Variants in PRDM9 observed in about 807,000 individuals in gnomAD.
The protein encoded by PRDM9 is PR/SET domain 9.
In PRDM9, 47 loss-of-function variants were observed where a neutral mutation model predicts 55.6. That is an observed-to-expected ratio of 0.85 (90% CI 0.67 to 1.08). PRDM9 has a LOEUF of 1.08. PRDM9 is among the 50% of genes least tolerant of loss of function. PRDM9 has a pLI of 0.00. For synonymous variants in PRDM9, 312 were observed against 375.7 expected (o/e 0.83, Z 1.96); for missense variants, 867 against 1,040.3 (o/e 0.83, Z 2.29).
chr5:23,509,354 T>C (rs561030033), intron 2 of PRDM9, 116 bp from the exon 3 acceptor site: 1 of 1,553,804 alleles, frequency 6.4e-7, no homozygotes, highest in South Asian at 1.1e-5. Flanking sequence ...GGAAGATCTT[T>C]ATGTTTCACA....
rs552561825 is a variant in PRDM9, at chr5:23,510,343, G to A, written c.301+316G>A. Among the ~76,000 whole-genome samples, 18 of 151,930 alleles carry A rather than the reference G, an allele frequency of 1.2e-4. No individual in the cohort carries two copies. In the South Asian group the frequency reaches 3.8e-3, roughly 32 times the overall value. On this transcript the variant is annotated intron_variant, in intron 4 of 10. Transcript: ENST00000296682. ...TCCAAGGTGCTGGGATTACAGCCAT[G>A]AGCCACCACGCCTGGCCTATTTTTA...
chr5:23,523,034 C>A (rs1739365544), intron 8 of PRDM9, 149 bp downstream of exon 8: 3 of 1,431,248 alleles, frequency 2.1e-6, no homozygotes, highest in African/African-American at 1.4e-5. Flanking sequence ...ACACGGAACT[C>A]CTATTTAGAG....
At chr5:23,509,676 G>A in intron 3 of PRDM9, 83 bp downstream of exon 3, 1 of 1,604,918 alleles carries the variant, frequency 6.2e-7, no homozygotes, top group African/African-American at 1.3e-5. Flanking sequence ...TTCTCAGGTG[G>A]TGGCATCTGC....
chr5:23,516,848 T>C (rs1739219970), intron 4 of PRDM9, among the ~76,000 whole-genome samples: 1 of 148,524 alleles, frequency 6.7e-6, no homozygotes, highest in Non-Finnish European at 1.5e-5. Context: ...GCCTCCTGAT[T>C]AGCTGGGACT....
chr5:23,524,540 A>C lies in PRDM9; in HGVS notation c.1144+13A>C, dbSNP rs547157177. The stretch of plus-strand genomic sequence containing the variant: ...ATGGCAGGGAGAGGTAGGCATCACT[A>C]TTACTCTTTTAAAAGGACAGGAAAG... On this transcript the variant is annotated intron_variant, in intron 10 of 10. Transcript: ENST00000296682. 1 of 1,613,422 alleles carries C rather than the reference A, an allele frequency of 6.2e-7. No homozygotes were observed. The highest frequency in any genetic ancestry group is 1.7e-5 in the Admixed American group (1 of 59,982).
chr5:23,519,025 A>G (rs945345864), intron 5 of PRDM9, among the ~76,000 whole-genome samples: 1 of 152,152 alleles, frequency 6.6e-6, no homozygotes, highest in Non-Finnish European at 1.5e-5. Flanking sequence ...TATCAGGACT[A>G]TGAGATAATT....
chr5:23,515,897 T>G (rs1278966778), intron 4 of PRDM9, among the ~76,000 whole-genome samples: 1 of 152,218 alleles, frequency 6.6e-6, no homozygotes, highest in Non-Finnish European at 1.5e-5. Context: ...AGTACCACAC[T>G]TTTCTGATCG....
rs1196994160 is a variant in PRDM9 at position 23,527,978 on chromosome 5, T to C, written c.*205T>C. 5.5e-6 allele frequency: 4 copies of C among 733,098 alleles called. No homozygotes were observed. The African/African-American group carries it at 7.0e-5, about 13-fold the overall frequency. The allele number at this position is 733,098 out of a possible 1,614,324, so 45.4% of individuals were successfully genotyped here. ...GATGAGGAAGAACAAGGGATAGTTC[T>C]GTAAGTGTTCGGGGGACATCAGCAT... On this transcript the variant is annotated 3_prime_UTR_variant, in exon 11 of 11. Transcript: ENST00000296682.
rs954987351 is a variant in PRDM9, at chr5:23,524,321, G to T, written c.951-13G>T. The T allele has an allele frequency of 3.7e-6, 6 of 1,613,402 alleles. No individual in the cohort carries two copies. In the African/African-American group the frequency reaches 5.3e-5, roughly 14 times the overall value. On this transcript the variant is annotated splice_polypyrimidine_tract_variant and intron_variant, in intron 9 of 10. Transcript: ENST00000296682. Reference sequence around the variant, plus strand: ...CTGCCTCTTTTCTTTCCCTTTGCCTGCCTTGACCCCAGGTATGTGAACTGT... The same window carrying T: ...CTGCCTCTTTTCTTTCCCTTTGCCTTCCTTGACCCCAGGTATGTGAACTGT...
intron 1 of PRDM9, among the ~76,000 whole-genome samples, chr5:23,508,050 T>A (rs149362931): frequency 1.1e-4 from 17 of 151,888 alleles, no homozygotes; most frequent in African/African-American, 3.4e-4. Context: ...CAACCTCAGA[T>A]AACCTAAATA....
At chr5:23,523,459 C>T in intron 9 of PRDM9, 101 bp downstream of exon 9, 1 of 1,272,632 alleles carries the variant, frequency 7.9e-7, no homozygotes. Flanking sequence ...TTTTCACATT[C>T]CCTATTTCTA....
rs751306189 is a variant in PRDM9, at chr5:23,526,367, C to T, written c.1279C>T (p.Pro427Ser). The T allele has an allele frequency of 1.2e-6, 2 of 1,614,232 alleles. No individual in the cohort carries two copies. Among genetic ancestry groups the T allele is most frequent in the Admixed American group, 1.7e-5 (1 of 60,024 alleles). The change falls in exon 11 of 11, where the codon CCA becomes TCA. Residue 427 changes from proline to serine, a missense_variant. Pro to Ser is a moderately conservative substitution (Grantham distance 74, BLOSUM62 -1). Transcript: ENST00000296682. The stretch of plus-strand genomic sequence containing the variant: ...ACCATCTGCAAGAAAACTCCTCCAA[C>T]CAGAGAATCCCTGCCCAGGGGATCA... ...PGPSARKLLQ[P>S]ENPCPGDQNQ...
At chr5:23,514,014 G>A (rs1024183060) in intron 4 of PRDM9, among the ~76,000 whole-genome samples, 1 of 152,140 alleles carries the variant, frequency 6.6e-6, no homozygotes, top group Non-Finnish European at 1.5e-5. Context: ...CCGCATCTTC[G>A]CCAACACTTG....
intron 1 of PRDM9, among the ~76,000 whole-genome samples, chr5:23,508,280 A>G (rs1259561493): frequency 6.6e-6 from 1 of 152,034 alleles, no homozygotes; most frequent in Non-Finnish European, 1.5e-5. Context: ...CTTCAGCTTA[A>G]AAGACCCCAA....
In PRDM9 at chr5:23,527,487, G is replaced by C. The variant is rs748427915; in HGVS notation, c.2399G>C (p.Gly800Ala). ...NLLSHQRTHT[G>A]EKPYVCRECG... ...CTCAGTCACCAGAGGACACACACAGGGGAGAAGCCCTATGTCTGCAGGGAG... is the reference window on the plus strand; with the variant it reads ...CTCAGTCACCAGAGGACACACACAGCGGAGAAGCCCTATGTCTGCAGGGAG... Residue 800 changes from glycine (G) to alanine (A), a missense_variant, in exon 11 of 11, where the codon GGG (glycine) becomes GCG (alanine). Physicochemically the swap from Gly to Ala is moderately conservative, Grantham distance 60. Coordinates refer to ENST00000296682, the MANE Select transcript of PRDM9 (RefSeq NM_020227.4). 20 of 1,583,802 alleles carry C rather than the reference G, an allele frequency of 1.3e-5. No individual in the cohort carries two copies. Among genetic ancestry groups the C allele is most frequent in the Non-Finnish European group, 1.5e-5 (18 of 1,170,176 alleles).
chr5:23,523,260 A>C (rs1739369665), intron 8 of PRDM9, 31 bp from the exon 9 acceptor site: 11 of 1,600,230 alleles, frequency 6.9e-6, no homozygotes, highest in African/African-American at 1.3e-5. Flanking sequence ...TACCCTCTAA[A>C]AAGCCTTTGC....
intron 6 of PRDM9, among the ~76,000 whole-genome samples, chr5:23,522,097 G>A (rs1230781902): frequency 6.6e-6 from 1 of 152,174 alleles, no homozygotes; most frequent in Non-Finnish European, 1.5e-5. Flanking sequence ...GGTATAATGA[G>A]AACAGCCAGA....
chr5:23,509,959 G>C lies in PRDM9; in HGVS notation c.233G>C (p.Arg78Thr). The C allele has an allele frequency of 6.2e-7, 1 of 1,613,862 alleles. No homozygotes were observed. Among genetic ancestry groups the C allele is most frequent in the Non-Finnish European group, 8.5e-7 (1 of 1,179,996 alleles). Reference sequence around the variant, plus strand: ...CGACCAGCTTTCATGTGTCACCGAAGGCAGGCCATCAAACTCCAGGTGGAT... The same window carrying C: ...CGACCAGCTTTCATGTGTCACCGAACGCAGGCCATCAAACTCCAGGTGGAT... ...ATRPAFMCHR[R>T]QAIKLQVDDT... Residue 78 changes from arginine (R) to threonine (T), a missense_variant, in exon 4 of 11, where the codon AGG becomes ACG. Coordinates refer to ENST00000296682, the MANE Select transcript of PRDM9 (RefSeq NM_020227.4).
At chr5:23,524,287 G>C (rs762371270) in intron 9 of PRDM9, 47 bp from the exon 10 acceptor site, 2 of 1,595,374 alleles carry the variant, frequency 1.3e-6, no homozygotes, top group African/African-American at 2.7e-5. Flanking sequence ...ATCTGATACT[G>C]GGAACTCACT....
Sources: gnomAD v4.1 joint callset for allele counts (sites outside exome capture counted in the v4.1 genomes callset) on GRCh38, gnomAD v4.1.1 for gene constraint, MANE v1.5 for transcripts, NCBI Gene and HGNC (gene_info 2026-07-23, HGNC 2026-07-21) for gene names.